The following AOX1 variants were observed in gnomAD, a reference collection of about 807,000 sequenced individuals.
AOX1 encodes aldehyde oxidase.
AOX1 carries 153 observed loss-of-function variants against 169.5 expected under a neutral mutation model. The ratio of observed to expected loss-of-function variants is 0.90; its 90% CI spans 0.79 to 1.03. The LOEUF is 1.03. Among genes scored for constraint, AOX1 ranks in the 50% least tolerant of loss-of-function variants. The probability of loss-of-function intolerance (pLI) is 0.00; values close to 1 mark genes in which losing one functional copy is unlikely to be tolerated. For missense variants in AOX1, 1,656 were observed against 1,663.9 expected (o/e 1.00, Z 0.08); for synonymous variants, 562 against 581.9 (o/e 0.97, Z 0.49).
At chr2:200,625,315 T>C (rs2034977757) in intron 19 of AOX1, among the ~76,000 whole-genome samples, 1 of 152,164 alleles carries the variant, frequency 6.6e-6, no homozygotes, top group South Asian at 2.1e-4. Flanking sequence ...ACTTCATCAA[T>C]ATTTTGTTTA....
chr2:200,595,449 A>G, intron 3 of AOX1, 81 bp downstream of exon 3: 1 of 950,456 alleles, frequency 1.1e-6, no homozygotes, highest in South Asian at 1.6e-5. Flanking sequence ...GTAAATATAT[A>G]TTGAGTACCT....
chr2:200,665,455 G>A (rs532198676), intron 31 of AOX1, among the ~76,000 whole-genome samples: 149 of 152,260 alleles, frequency 9.8e-4, no homozygotes, highest in Middle Eastern at 6.8e-3. Context: ...GTTTTGAGGT[G>A]GATTCTTGCT....
chr2:200,666,808 G>A, intron 32 of AOX1, 56 bp downstream of exon 32: 1 of 1,292,860 alleles, frequency 7.7e-7, no homozygotes, highest in Non-Finnish European at 1.1e-6. Flanking sequence ...AGTGCGGTGG[G>A]GTCTGCAGGA....
intron 25 of AOX1, among the ~76,000 whole-genome samples, chr2:200,647,023 G>T (rs537684222): frequency 6.6e-6 from 1 of 152,190 alleles, no homozygotes; most frequent in Admixed American, 6.5e-5. Context: ...CTATTCTGTG[G>T]TTCTGTATCT....
intron 1 of AOX1, 53 bp from the exon 2 acceptor site, chr2:200,593,093 T>A: frequency 7.4e-7 from 1 of 1,346,618 alleles, no homozygotes; most frequent in Non-Finnish European, 1.1e-6. Context: ...ATCCTACCAA[T>A]GTGAATTTCA....
At chr2:200,646,374 G>A (rs796254742) in intron 25 of AOX1, among the ~76,000 whole-genome samples, 2 of 152,238 alleles carry the variant, frequency 1.3e-5, no homozygotes, top group African/African-American at 4.8e-5. Flanking sequence ...GGTTCTGAAG[G>A]TTCCTTTTGG....
intron 2 of AOX1, among the ~76,000 whole-genome samples, chr2:200,594,243 C>A (rs2034233364): frequency 6.6e-6 from 1 of 152,160 alleles, no homozygotes; most frequent in South Asian, 2.1e-4. Flanking sequence ...GGATGGTTGA[C>A]AAGGACTCCA....
intron 27 of AOX1, among the ~76,000 whole-genome samples, chr2:200,657,370 A>G (rs2035717682): frequency 2.0e-5 from 3 of 151,348 alleles, no homozygotes; most frequent in African/African-American, 7.3e-5. Context: ...GTAAAAATAA[A>G]TAAAAAACAA....
At position 200,586,200 on chromosome 2, in the gene AOX1, C is replaced by T. The variant is rs1172987029; in HGVS notation, c.45+47C>T. 7 of 1,520,570 alleles carry T rather than the reference C, an allele frequency of 4.6e-6. No individual in the cohort carries two copies. In the African/African-American group the frequency reaches 8.3e-5, roughly 18 times the overall value. The allele number at this position is 1,520,570 out of a possible 1,614,324, so 94.2% of individuals were successfully genotyped here. A position where few individuals can be genotyped will look rare whatever the true frequency, so the allele number is the denominator to read the frequency against. ...CTGCCCCCAGACCTGCGGCCAGGGCCGGGGCAGAGAGGAGCCCCTGCCGTT... is the reference window on the plus strand; with the variant it reads ...CTGCCCCCAGACCTGCGGCCAGGGCTGGGGCAGAGAGGAGCCCCTGCCGTT... On this transcript the variant is annotated intron_variant, in intron 1 of 34. Coordinates refer to ENST00000374700, the MANE Select transcript of AOX1 (RefSeq NM_001159.4).
chr2:200,604,763 C>T lies in AOX1; in HGVS notation c.737C>T (p.Pro246Leu), dbSNP rs2034481017. 1.9e-6 allele frequency: 3 copies of T among 1,613,862 alleles called. No homozygotes were observed. Among genetic ancestry groups the T allele is most frequent in the Admixed American group, 3.3e-5 (2 of 59,992 alleles). The change falls in exon 9 of 35, where the codon CCC (proline) becomes CTC (leucine). Residue 246 changes from proline (P) to leucine (L), a missense_variant. By Grantham distance (98) the Pro-to-Leu change is moderately conservative. Coordinates refer to ENST00000374700, the MANE Select transcript of AOX1 (RefSeq NM_001159.4). ...AGTGAGAGAATGATGTGGTTTTCCC[C>T]CGTGACCCTGAAGGAACTGCTGGAA... ...FGSERMMWFS[P>L]VTLKELLEFK...
At chr2:200,630,693 T>C (rs2035107603) in intron 20 of AOX1, among the ~76,000 whole-genome samples, 1 of 152,134 alleles carries the variant, frequency 6.6e-6, no homozygotes, top group Non-Finnish European at 1.5e-5. Context: ...CAAGTTTGAG[T>C]CTAGCTTTTC....
rs1440512892 is a variant in AOX1, at chr2:200,597,523, C to G, written c.309+18C>G. On this transcript the variant is annotated intron_variant, in intron 4 of 34. Coordinates refer to ENST00000374700, the MANE Select transcript of AOX1 (RefSeq NM_001159.4). Reference sequence around the variant, plus strand: ...CTGTTCAGGTGAGGATGTGCCTCTTCCTTATAGGCTTTCTGTGCTTTAGAA... The same window carrying G: ...CTGTTCAGGTGAGGATGTGCCTCTTGCTTATAGGCTTTCTGTGCTTTAGAA... 1 of 1,555,660 alleles carries G rather than the reference C, an allele frequency of 6.4e-7. No individual in the cohort carries two copies.
At chr2:200,666,569 T>C in intron 31 of AOX1, 118 bp from the exon 32 acceptor site, 1 of 511,562 alleles carries the variant, frequency 2.0e-6, no homozygotes, top group East Asian at 3.3e-5. Flanking sequence ...TCTTTCGAAA[T>C]GACATGGCTG....
downstream of AOX1, chr2:200,679,249 T>C (rs2036133681): frequency 6.6e-6 from 1 of 152,212 alleles, no homozygotes; most frequent in African/African-American, 2.4e-5. Context: ...ATTTTCTTTT[T>C]CTTTTTTAAC....
chr2:200,589,851 C>T (rs550247465), intron 1 of AOX1, among the ~76,000 whole-genome samples: 1 of 152,228 alleles, frequency 6.6e-6, no homozygotes, highest in Non-Finnish European at 1.5e-5. Flanking sequence ...TCTTGGTTTA[C>T]AAGGCTGAGA....
At chr2:200,652,355 C>T (rs555861407) in intron 26 of AOX1, among the ~76,000 whole-genome samples, 213 of 152,290 alleles carry the variant, frequency 1.4e-3, no homozygotes, top group Non-Finnish European at 2.4e-3. Flanking sequence ...CAAAAAATAA[C>T]ACAGAGCCAT....
intron 23 of AOX1, among the ~76,000 whole-genome samples, chr2:200,640,617 C>T (rs369867464): frequency 2.0e-5 from 3 of 152,240 alleles, no homozygotes; most frequent in South Asian, 2.1e-4. Context: ...TCTGGAAGAA[C>T]GATGAAGAGC....
chr2:200,636,367 G>GATCC (rs2035233530), intron 21 of AOX1, among the ~76,000 whole-genome samples: 1 of 152,014 alleles, frequency 6.6e-6, no homozygotes, highest in Non-Finnish European at 1.5e-5. Flanking sequence ...GACCTCAGGT[G>GATCC]ATCTGCCTGA....
intron 30 of AOX1, 57 bp from the exon 31 acceptor site, chr2:200,662,795 GTCA>G: frequency 7.4e-7 from 1 of 1,350,440 alleles, no homozygotes; most frequent in Non-Finnish European, 1.1e-6. Context: ...GGTCTGTTTA[GTCA>G]TCATGGTCTG....
Sources: allele counts gnomAD v4.1 joint callset (sites outside exome capture counted in the v4.1 genomes callset), GRCh38; gene constraint gnomAD v4.1.1; transcripts MANE v1.5; gene names NCBI Gene and HGNC (gene_info 2026-07-23, HGNC 2026-07-21).